The following NFIA variants were observed in gnomAD, a reference collection of about 807,000 sequenced individuals.
NFIA encodes the protein nuclear factor 1 A-type.
NFIA carries 8 observed loss-of-function variants against 62.8 expected under a neutral mutation model. The observed-to-expected ratio is 0.13, with a 90% confidence interval of 0.07 to 0.23. NFIA has a LOEUF of 0.23. Among genes scored for constraint, NFIA ranks in the 10% least tolerant of loss-of-function variants. The pLI is 1.00. For missense variants in NFIA, 410 were observed against 642.1 expected (o/e 0.64, Z 3.91); for synonymous variants, 235 against 238.1 (o/e 0.99, Z 0.12).
At chr1:61,432,591 G>A (rs1400709862) in intron 10 of NFIA, among the ~76,000 whole-genome samples, 1 of 74,996 alleles carries the variant, frequency 1.3e-5, no homozygotes, top group African/African-American at 6.2e-5. Context: ...ATATATATGT[G>A]TGTATATATA....
chr1:61,298,750 G>A (rs1001777301), intron 3 of NFIA, among the ~76,000 whole-genome samples: 4 of 152,052 alleles, frequency 2.6e-5, no homozygotes, highest in African/African-American at 9.7e-5. Context: ...GTTTAGCAGG[G>A]TCCTCAGCAT....
At chr1:61,208,046 T>C (rs1052658931) in intron 2 of NFIA, among the ~76,000 whole-genome samples, 9 of 149,324 alleles carry the variant, frequency 6.0e-5, no homozygotes, top group Non-Finnish European at 7.4e-5. Context: ...CTGCAATGCG[T>C]GAAGCACTTT....
At position 61,401,055 on chromosome 1, in the gene NFIA, C is replaced by T. The variant is rs114528584; in HGVS notation, c.1076-3049C>T. Among the ~76,000 whole-genome samples the T allele has an allele frequency of 9.1e-4, 138 of 152,076 alleles. 1 individual carries two copies. The highest frequency in any genetic ancestry group is 2.0e-3 in the Admixed American group (30 of 15,266). ...AACTAGAGCTTTGTGATGTCAGTAA[C>T]GTAACTATTTTCTGTTTGAAGAAAT... On this transcript the variant is annotated intron_variant, in intron 7 of 10. Coordinates refer to ENST00000403491, the MANE Select transcript of NFIA (RefSeq NM_001134673.4).
chr1:61,423,802 T>C (rs1017327662), intron 9 of NFIA, among the ~76,000 whole-genome samples: 9 of 152,186 alleles, frequency 5.9e-5, no homozygotes, highest in African/African-American at 2.2e-4. Flanking sequence ...TATCCTGTTA[T>C]AGGTAACTGC....
At chr1:61,269,359 A>T (rs999137529) in intron 2 of NFIA, among the ~76,000 whole-genome samples, 2 of 152,228 alleles carry the variant, frequency 1.3e-5, no homozygotes, top group South Asian at 2.1e-4. Flanking sequence ...TAAATAAGAC[A>T]TTTGTTGTTG....
At chr1:61,390,858 A>T (rs1664937658) in intron 7 of NFIA, among the ~76,000 whole-genome samples, 1 of 152,198 alleles carries the variant, frequency 6.6e-6, no homozygotes, top group African/African-American at 2.4e-5. Flanking sequence ...CTCAATAAAT[A>T]ATTGTCAAAT....
intron 7 of NFIA, among the ~76,000 whole-genome samples, chr1:61,390,139 A>G (rs1242064609): frequency 1.3e-5 from 2 of 152,208 alleles, no homozygotes; most frequent in Admixed American, 6.5e-5. Context: ...GGACAACTAC[A>G]GTGGCATCTG....
intron 9 of NFIA, among the ~76,000 whole-genome samples, chr1:61,425,037 T>C (rs1666803900): frequency 6.6e-6 from 1 of 152,164 alleles, no homozygotes; most frequent in South Asian, 2.1e-4. Flanking sequence ...ACTGAATAGA[T>C]CCTCCTAAAA....
chr1:61,171,246 A>T (rs1019473480), intron 2 of NFIA, among the ~76,000 whole-genome samples: 3 of 152,188 alleles, frequency 2.0e-5, no homozygotes, highest in Non-Finnish European at 4.4e-5. Flanking sequence ...ATTCCAGGCT[A>T]AAAAAAGTAT....
intron 2 of NFIA, among the ~76,000 whole-genome samples, chr1:61,263,357 G>A (rs1053379609): frequency 1.3e-5 from 2 of 152,132 alleles, no homozygotes; most frequent in African/African-American, 2.4e-5. Context: ...TGCTGCCAGG[G>A]TTTAAACATT....
chr1:61,337,529 CAG>C (rs377014397), intron 4 of NFIA, among the ~76,000 whole-genome samples: 7 of 150,708 alleles, frequency 4.6e-5, no homozygotes, highest in Non-Finnish European at 4.4e-5. Context: ...GATGCTGTGC[CAG>C]AGAGAGAGAG....
intron 5 of NFIA, among the ~76,000 whole-genome samples, chr1:61,355,649 T>C (rs1662904785): frequency 6.6e-6 from 1 of 152,122 alleles, no homozygotes; most frequent in Non-Finnish European, 1.5e-5. Flanking sequence ...GCAGTGATCA[T>C]AATTCACTGC....
At chr1:61,151,382 C>CTTTTTTTTTTTTTTTT (rs60675167) in intron 2 of NFIA, among the ~76,000 whole-genome samples, 1 of 141,748 alleles carries the variant, frequency 7.1e-6, no homozygotes, top group Non-Finnish European at 1.5e-5. Flanking sequence ...GCTAATACAG[C>CTTTTTTTTTTTTTTTT]TTTTTTTTTT....
intron 2 of NFIA, among the ~76,000 whole-genome samples, chr1:61,233,522 A>C (rs1166994276): frequency 6.6e-6 from 1 of 152,242 alleles, no homozygotes. Context: ...TGGGGAAGTC[A>C]GAAGAGTCTC....
At chr1:61,274,575 G>T (rs1028942267) in intron 2 of NFIA, among the ~76,000 whole-genome samples, 3 of 152,292 alleles carry the variant, frequency 2.0e-5, no homozygotes, top group African/African-American at 2.4e-5. Flanking sequence ...GTTTTCTGAG[G>T]TTCCTAATTA....
At chr1:61,234,945 T>A (rs1654901546) in intron 2 of NFIA, among the ~76,000 whole-genome samples, 1 of 152,248 alleles carries the variant, frequency 6.6e-6, no homozygotes, top group South Asian at 2.1e-4. Context: ...GGCATCTGTC[T>A]GTGGTTCCCC....
At position 61,455,532 on chromosome 1, in the gene NFIA, A is replaced by T; in HGVS notation, c.*212A>T. The T allele has an allele frequency of 1.6e-6, 1 of 638,596 alleles. No individual in the cohort carries two copies. The highest frequency in any genetic ancestry group is 2.7e-6 in the Non-Finnish European group (1 of 376,258). The allele number at this position is 638,596 out of a possible 1,614,324, so 39.6% of individuals were successfully genotyped here. On this transcript the variant is annotated 3_prime_UTR_variant, in exon 11 of 11. Transcript: ENST00000403491. ...TTTGGGATTTTTTTTTTTTTAAAATACTTTAGGGACTGTTGTAATTTCTCA... is the reference window on the plus strand; with the variant it reads ...TTTGGGATTTTTTTTTTTTTAAAATTCTTTAGGGACTGTTGTAATTTCTCA...
At chr1:61,362,997 G>A (rs1032688725) in intron 6 of NFIA, among the ~76,000 whole-genome samples, 12 of 152,278 alleles carry the variant, frequency 7.9e-5, no homozygotes, top group Non-Finnish European at 1.5e-4. Flanking sequence ...CACTCATGTT[G>A]CTTTCAAATA....
chr1:61,162,788 C>A (rs1025057073), intron 2 of NFIA, among the ~76,000 whole-genome samples: 1 of 151,570 alleles, frequency 6.6e-6, no homozygotes, highest in East Asian at 1.9e-4. Context: ...CACCACCCCC[C>A]ACAACATAAT....
Sources: allele counts gnomAD v4.1 joint callset (sites outside exome capture counted in the v4.1 genomes callset), GRCh38; gene constraint gnomAD v4.1.1; transcripts MANE v1.5; gene names NCBI Gene and HGNC (gene_info 2026-07-23, HGNC 2026-07-21).